Variants in ANK3 observed in about 807,000 individuals in gnomAD.
ANK3 encodes ankyrin-3.
ANK3 carries 57 observed loss-of-function variants against 370.9 expected under a neutral mutation model. The observed-to-expected ratio is 0.15, with a 90% CI of 0.12 to 0.19. The LOEUF is 0.19. Among genes scored for constraint, ANK3 ranks in the 10% least tolerant of loss-of-function variants. ANK3 has a pLI of 1.00. For synonymous variants in ANK3, 1,929 were observed against 1,946.3 expected (o/e 0.99, Z 0.23); for missense variants, 4,439 against 5,302.1 (o/e 0.84, Z 5.06).
intron 23 of ANK3, among the ~76,000 whole-genome samples, chr10:60,143,305 T>C (rs766084819): frequency 7.9e-5 from 12 of 152,184 alleles, no homozygotes; most frequent in Non-Finnish European, 1.5e-4. Context: ...CATTATTATA[T>C]AGTACAACAC....
rs563660823 is a variant in ANK3 at position 60,560,094 on chromosome 10, T to C, written c.96+55092A>G. On this transcript the variant is annotated intron_variant, in intron 2 of 43. Transcript: ENST00000373827. ...AGAGAGAGAGAGAGATAGAAAAATA[T>C]AATTGGCATATTTATAACTTATATA... is the stretch of plus-strand genomic sequence containing the variant. Among the ~76,000 whole-genome samples the C allele has an allele frequency of 2.0e-5, 3 of 152,226 alleles. No individual in the cohort carries two copies. In the South Asian group the frequency reaches 6.2e-4, roughly 32 times the overall value.
At chr10:60,485,279 C>T (rs1432220694) in intron 2 of ANK3, among the ~76,000 whole-genome samples, 1 of 151,462 alleles carries the variant, frequency 6.6e-6, no homozygotes, top group Non-Finnish European at 1.5e-5. Flanking sequence ...TCCCAGTGCT[C>T]ACCAGAGATT....
chr10:60,525,784 G>T (rs891109256), intron 2 of ANK3, among the ~76,000 whole-genome samples: 1 of 152,108 alleles, frequency 6.6e-6, no homozygotes, highest in Non-Finnish European at 1.5e-5. Context: ...TCGTGTTATT[G>T]TGGGGAACAA....
chr10:60,250,533 T>G (rs566095411), intron 7 of ANK3, among the ~76,000 whole-genome samples: 35 of 152,012 alleles, frequency 2.3e-4, no homozygotes, highest in Admixed American at 9.2e-4. Flanking sequence ...CCCAGCTAAT[T>G]TTTTTGTATT....
chr10:60,598,910 T>C (rs1595337491), intron 2 of ANK3, among the ~76,000 whole-genome samples: 1 of 152,148 alleles, frequency 6.6e-6, no homozygotes, highest in African/African-American at 2.4e-5. Context: ...ACATTGTGTG[T>C]CTGGTAGTTA....
chr10:60,583,239 A>G (rs2077779900), intron 2 of ANK3, among the ~76,000 whole-genome samples: 1 of 152,212 alleles, frequency 6.6e-6, no homozygotes, highest in Non-Finnish European at 1.5e-5. Context: ...CATTACCTGA[A>G]GCGAAATAAG....
intron 25 of ANK3, among the ~76,000 whole-genome samples, chr10:60,117,973 T>C (rs2132124480): frequency 1.3e-5 from 2 of 152,196 alleles, no homozygotes; most frequent in South Asian, 4.1e-4. Flanking sequence ...AGGAAAAGTG[T>C]GGAAAAAAAA....
chr10:60,258,981 T>G (rs184949281), intron 7 of ANK3, among the ~76,000 whole-genome samples: 36 of 152,350 alleles, frequency 2.4e-4, no homozygotes, highest in African/African-American at 8.7e-4. Flanking sequence ...AAATGAGGCT[T>G]AATAATGCTC....
At chr10:60,574,083 G>A (rs901262479) in intron 2 of ANK3, among the ~76,000 whole-genome samples, 5 of 152,106 alleles carry the variant, frequency 3.3e-5, no homozygotes, top group Admixed American at 6.6e-5. Context: ...AGGACATGAC[G>A]CTAAAATATT....
chr10:60,447,476 G>A (rs2064479771), intron 2 of ANK3, among the ~76,000 whole-genome samples: 1 of 152,100 alleles, frequency 6.6e-6, no homozygotes, highest in South Asian at 2.1e-4. Context: ...AAAGGAGGGG[G>A]TCCGTGCTAC....
intron 2 of ANK3, among the ~76,000 whole-genome samples, chr10:60,492,279 A>G (rs1408120545): frequency 6.6e-6 from 1 of 152,232 alleles, no homozygotes. Context: ...ATTAGCTACC[A>G]TCACCATCAC....
intron 21 of ANK3, among the ~76,000 whole-genome samples, chr10:60,169,857 A>G (rs1004900764): frequency 2.0e-5 from 3 of 152,192 alleles, no homozygotes; most frequent in Non-Finnish European, 4.4e-5. Context: ...TAGTTAATTC[A>G]TATGTCCCTT....
At chr10:60,304,168 G>C (rs1158121228) in intron 1 of ANK3, among the ~76,000 whole-genome samples, 1 of 151,784 alleles carries the variant, frequency 6.6e-6, no homozygotes, top group Admixed American at 6.6e-5. Context: ...ATGAGTTCTG[G>C]AGACTTAATA....
chr10:60,518,841 G>A (rs1163334460), intron 2 of ANK3, among the ~76,000 whole-genome samples: 1 of 152,138 alleles, frequency 6.6e-6, no homozygotes, highest in Non-Finnish European at 1.5e-5. Flanking sequence ...ATTCTGGCTT[G>A]CGATGCCTGA....
chr10:60,356,827 G>A (rs1359866304), intron 1 of ANK3, among the ~76,000 whole-genome samples: 1 of 152,148 alleles, frequency 6.6e-6, no homozygotes, highest in East Asian at 1.9e-4. Context: ...TTGTGCCTCA[G>A]CCTCCCCAGT....
chr10:60,683,940 C>T (rs1160228074), intron 1 of ANK3, among the ~76,000 whole-genome samples: 1 of 152,196 alleles, frequency 6.6e-6, no homozygotes, highest in African/African-American at 2.4e-5. Context: ...GGTAGGTTTA[C>T]TTCAGATAAT....
At chr10:60,690,826 G>A (rs146689528) in intron 1 of ANK3, among the ~76,000 whole-genome samples, 10 of 152,286 alleles carry the variant, frequency 6.6e-5, no homozygotes, top group Admixed American at 6.5e-4. Flanking sequence ...GTAAATGTGT[G>A]AAGCTTTGGG....
intron 1 of ANK3, among the ~76,000 whole-genome samples, chr10:60,716,364 A>G (rs891250389): frequency 6.6e-6 from 1 of 152,144 alleles, no homozygotes; most frequent in Non-Finnish European, 1.5e-5. Context: ...GTGTATTGCC[A>G]AAGTATGCAC....
At chr10:60,623,241 G>T (rs976066141) in intron 1 of ANK3, among the ~76,000 whole-genome samples, 1 of 152,186 alleles carries the variant, frequency 6.6e-6, no homozygotes, top group Admixed American at 6.5e-5. Context: ...CTTAGAAAGA[G>T]CATAAGGCAG....
Sources: allele counts gnomAD v4.1 joint callset (sites outside exome capture counted in the v4.1 genomes callset), GRCh38; gene constraint gnomAD v4.1.1; transcripts MANE v1.5; gene names NCBI Gene and HGNC (gene_info 2026-07-23, HGNC 2026-07-21).